Variants in METAP1 observed in about 807,000 individuals in gnomAD.
METAP1 encodes the protein methionyl aminopeptidase 1, also known as methionine aminopeptidase 1.
In METAP1, 28 loss-of-function variants were observed where a neutral mutation model predicts 53.8. The ratio of observed to expected loss-of-function variants is 0.52; its 90% CI spans 0.39 to 0.71. METAP1 has a LOEUF of 0.71. Ranked by LOEUF, METAP1 falls within the 30% of genes least tolerant of loss-of-function variation. The pLI is 0.00. For missense variants in METAP1, 389 were observed against 479.8 expected (o/e 0.81, Z 1.77); for synonymous variants, 181 against 165.7 (o/e 1.09, Z -0.71).
Position 98,996,921 on chromosome 4 carries a change from G to A in METAP1, c.114+1054G>A, listed in dbSNP as rs116457829. Among the ~76,000 whole-genome samples the A allele has an allele frequency of 7.2e-3, 1,096 of 152,316 alleles. 9 individuals are homozygous for A. Among genetic ancestry groups the A allele is most frequent in the African/African-American group, 0.025 (1,037 of 41,566 alleles). On this transcript the variant is annotated intron_variant, in intron 1 of 10. Transcript: ENST00000296411. ...TGGGGCCCTGCCCTTGCCAGTTATT[G>A]TGCGATCTTGAATTAGTAAAGTTAC...
rs896223905 is a variant in METAP1, at chr4:99,062,533, C to T, written c.*1216C>T. 2.6e-5 allele frequency: 4 copies of T among 152,646 alleles called. No homozygotes were observed. The highest frequency in any genetic ancestry group is 2.1e-4 in the South Asian group (1 of 4,836). The allele number at this position is 152,646 out of a possible 1,614,324, so 9.5% of individuals were successfully genotyped here. A position where few individuals can be genotyped will look rare whatever the true frequency, so the allele number is the denominator to read the frequency against. ...CATTAGAGTGTACTTGATTACTGGG[C>T]ATCCTTGTAATATAATTTCATACCA... On this transcript the variant is annotated 3_prime_UTR_variant, in exon 11 of 11. Coordinates refer to ENST00000296411, the MANE Select transcript of METAP1 (RefSeq NM_015143.3).
chr4:99,048,858 A>C lies in METAP1; in HGVS notation c.913A>C (p.Asn305His). The change falls in exon 9 of 11, where the codon AAT (asparagine) becomes CAT (histidine). Residue 305 changes from asparagine to histidine, a missense_variant. Transcript: ENST00000296411. ...GIHKLFHTAP[N>H]VPHYAKNKAV... Reference sequence around the variant, plus strand: ...CCACAAGCTTTTTCATACAGCTCCCAATGTACCCCACTATGCTAGTAAGTA... The same window carrying C: ...CCACAAGCTTTTTCATACAGCTCCCCATGTACCCCACTATGCTAGTAAGTA... 6.2e-7 allele frequency: 1 copy of C among 1,614,020 alleles called. No individual in the cohort carries two copies. Among genetic ancestry groups the C allele is most frequent in the Non-Finnish European group, 8.5e-7 (1 of 1,179,882 alleles).
chr4:99,024,640 G>A (rs1248308436), intron 1 of METAP1, among the ~76,000 whole-genome samples: 1 of 152,034 alleles, frequency 6.6e-6, no homozygotes, highest in Non-Finnish European at 1.5e-5. Context: ...CTGATCTTAG[G>A]TTTTACAATA....
chr4:99,021,191 C>G (rs554472486), intron 1 of METAP1, among the ~76,000 whole-genome samples: 21 of 152,308 alleles, frequency 1.4e-4, no homozygotes, highest in African/African-American at 3.6e-4. Flanking sequence ...AATCCACATT[C>G]CTCTTACAGT....
chr4:99,033,397 G>A (rs762909627), intron 2 of METAP1, among the ~76,000 whole-genome samples: 2 of 151,944 alleles, frequency 1.3e-5, no homozygotes, highest in Admixed American at 1.3e-4. Context: ...CTTGTATTCC[G>A]GCTACTTAAA....
intron 1 of METAP1, chr4:99,026,493 G>A: frequency 4.1e-6 from 4 of 985,394 alleles, no homozygotes; most frequent in Non-Finnish European, 4.8e-6. Flanking sequence ...TGAGTGTTAG[G>A]ATTAGGTAGG....
At chr4:99,011,998 T>C (rs1352148226) in intron 1 of METAP1, among the ~76,000 whole-genome samples, 1 of 152,048 alleles carries the variant, frequency 6.6e-6, no homozygotes, top group Non-Finnish European at 1.5e-5. Flanking sequence ...CTCTCCTCCT[T>C]TTTAGTTATT....
intron 9 of METAP1, among the ~76,000 whole-genome samples, chr4:99,049,784 TTA>T (rs1250600168): frequency 6.6e-6 from 1 of 152,178 alleles, no homozygotes. Flanking sequence ...TGTAGAATTG[TTA>T]TGAGGATTAA....
intron 1 of METAP1, 40 bp downstream of exon 1, chr4:98,995,907 G>C (rs766262949): frequency 1.4e-6 from 2 of 1,470,644 alleles, no homozygotes; most frequent in African/African-American, 2.8e-5. Context: ...GCCGCTGCGG[G>C]ACCCCTCCTC....
At chr4:99,039,914 AC>A (rs1725731868) in intron 5 of METAP1, among the ~76,000 whole-genome samples, 1 of 152,118 alleles carries the variant, frequency 6.6e-6, no homozygotes, top group Admixed American at 6.5e-5. Context: ...TTTAGTAGAT[AC>A]AGGGTTTCAC....
At chr4:99,039,517 A>T in intron 5 of METAP1, 52 bp downstream of exon 5, 1 of 1,067,488 alleles carries the variant, frequency 9.4e-7, no homozygotes, top group Non-Finnish European at 1.4e-6. Flanking sequence ...CAGTACTTAG[A>T]CATGAAGTCA....
At chr4:99,042,823 C>G (rs528789342) in intron 6 of METAP1, among the ~76,000 whole-genome samples, 1 of 151,906 alleles carries the variant, frequency 6.6e-6, no homozygotes, top group Admixed American at 6.6e-5. Context: ...CAGAAGTGTT[C>G]TGAATTTTGA....
intron 9 of METAP1, among the ~76,000 whole-genome samples, chr4:99,055,468 G>C (rs1413222359): frequency 6.6e-6 from 1 of 151,876 alleles, no homozygotes; most frequent in Non-Finnish European, 1.5e-5. Context: ...AATAAAACAA[G>C]GCATGCCTGC....
At chr4:99,061,021 T>A in intron 10 of METAP1, 133 bp from the exon 11 acceptor site, 1 of 857,506 alleles carries the variant, frequency 1.2e-6, no homozygotes, top group Non-Finnish European at 1.8e-6. Flanking sequence ...CAAAATGAAG[T>A]TGGAAAGGCA....
At chr4:99,018,533 A>G (rs949184826) in intron 1 of METAP1, among the ~76,000 whole-genome samples, 1 of 152,186 alleles carries the variant, frequency 6.6e-6, no homozygotes, top group Non-Finnish European at 1.5e-5. Context: ...CTCCCATTTG[A>G]ATGTGAATAG....
At chr4:99,042,299 C>T (rs1200598587) in intron 6 of METAP1, among the ~76,000 whole-genome samples, 4 of 148,692 alleles carry the variant, frequency 2.7e-5, no homozygotes, top group Middle Eastern at 3.2e-3. Flanking sequence ...ATTGAGGAAA[C>T]TTCATATTAA....
chr4:98,996,054 G>C (rs1166178397), intron 1 of METAP1, among the ~76,000 whole-genome samples, 187 bp downstream of exon 1: 3 of 152,162 alleles, frequency 2.0e-5, no homozygotes, highest in Non-Finnish European at 2.9e-5. Context: ...CTGGGTCCTC[G>C]GGAACCGCGC....
At chr4:99,031,619 A>G (rs1186560698) in intron 2 of METAP1, 1 of 1,261,286 alleles carries the variant, frequency 7.9e-7, no homozygotes, top group Non-Finnish European at 1.0e-6. Flanking sequence ...TGAGGATTAA[A>G]TAAAGAAATC....
chr4:99,033,885 CT>C (rs1395055611), intron 2 of METAP1, among the ~76,000 whole-genome samples: 1 of 152,090 alleles, frequency 6.6e-6, no homozygotes, highest in Non-Finnish European at 1.5e-5. Context: ...TTAAAATGGG[CT>C]TTCTATAAAT....
Sources: gnomAD v4.1 joint callset for allele counts (sites outside exome capture counted in the v4.1 genomes callset) on GRCh38, gnomAD v4.1.1 for gene constraint, MANE v1.5 for transcripts, NCBI Gene and HGNC (gene_info 2026-07-23, HGNC 2026-07-21) for gene names.